HIF1AN: variants seen among roughly 807,000 people sequenced by gnomAD.
HIF1AN encodes hypoxia-inducible factor 1-alpha inhibitor.
HIF1AN carries 21 observed loss-of-function variants against 47.7 expected under a neutral mutation model. The observed-to-expected ratio is 0.44, with a 90% confidence interval of 0.31 to 0.63. The LOEUF is 0.63. Ranked by LOEUF, HIF1AN falls within the 30% of genes least tolerant of loss-of-function variation. The probability of loss-of-function intolerance (pLI) is 0.07; values close to 1 mark genes in which losing one functional copy is unlikely to be tolerated. For synonymous variants in HIF1AN, 152 were observed against 155.9 expected (o/e 0.98, Z 0.18); for missense variants, 320 against 432.7 (o/e 0.74, Z 2.31).
intron 2 of HIF1AN, among the ~76,000 whole-genome samples, chr10:100,536,954 G>A (rs566675483): frequency 6.6e-6 from 1 of 152,338 alleles, no homozygotes; most frequent in Admixed American, 6.5e-5. Context: ...TTGCCTAGAA[G>A]GGTCAGGCAG....
chr10:100,543,960 A>G (rs1706213529), intron 3 of HIF1AN, among the ~76,000 whole-genome samples: 1 of 152,168 alleles, frequency 6.6e-6, no homozygotes, highest in African/African-American at 2.4e-5. Context: ...TGAGAGAGCA[A>G]GTCTGCTTTG....
rs1843186332 is a variant in HIF1AN at position 100,553,564 on chromosome 10, A to G, written c.*5427A>G. Reference sequence around the variant, plus strand: ...TCCCATAGCTGATGAAAGAATTTACATATGGGCTCCCCCCTGCTTTCCCAC... The same window carrying G: ...TCCCATAGCTGATGAAAGAATTTACGTATGGGCTCCCCCCTGCTTTCCCAC... On this transcript the variant is annotated 3_prime_UTR_variant, in exon 8 of 8. Coordinates refer to ENST00000299163, the MANE Select transcript of HIF1AN (RefSeq NM_017902.3). 1 of 152,220 alleles carries G rather than the reference A, an allele frequency of 6.6e-6. No individual in the cohort carries two copies. The highest frequency in any genetic ancestry group is 6.5e-5 in the Admixed American group (1 of 15,286). 9.4% of individuals were successfully genotyped at this position (152,220 alleles called of 1,614,324 possible).
At chr10:100,546,632 G>T in intron 6 of HIF1AN, 51 bp downstream of exon 6, 1 of 1,347,394 alleles carries the variant, frequency 7.4e-7, no homozygotes, top group Non-Finnish European at 1.1e-6. Context: ...TGGCTCTTGG[G>T]TGAGGTAGGT....
Position 100,558,882 on chromosome 10 carries a change from A to G in HIF1AN, c.*10745A>G, listed in dbSNP as rs1304450277. 6.6e-6 allele frequency: 1 copy of G among 152,250 alleles called. No homozygotes were observed. Among genetic ancestry groups the G allele is most frequent in the Non-Finnish European group, 1.5e-5 (1 of 68,050 alleles). The allele number at this position is 152,250 out of a possible 1,614,324, so 9.4% of individuals were successfully genotyped here. A position where few individuals can be genotyped will look rare whatever the true frequency, so the allele number is the denominator to read the frequency against. On this transcript the variant is annotated 3_prime_UTR_variant, in exon 8 of 8. Transcript: ENST00000299163. ...ATGAAGAACAGGTGTGTTTAAAAACATCAAACCCCCACATCATTACTATTT... is the reference window on the plus strand; with the variant it reads ...ATGAAGAACAGGTGTGTTTAAAAACGTCAAACCCCCACATCATTACTATTT...
chr10:100,538,120 C>A (rs914617653), intron 2 of HIF1AN, among the ~76,000 whole-genome samples: 1 of 152,164 alleles, frequency 6.6e-6, no homozygotes, highest in East Asian at 1.9e-4. Context: ...GTTCTTCAGT[C>A]GCTTGAAGTT....
intron 3 of HIF1AN, among the ~76,000 whole-genome samples, chr10:100,541,204 C>T (rs1187418395): frequency 6.6e-6 from 1 of 151,722 alleles, no homozygotes; most frequent in African/African-American, 2.4e-5. Flanking sequence ...GGCGACAGAG[C>T]AAGACTCTGT....
intron 6 of HIF1AN, among the ~76,000 whole-genome samples, chr10:100,546,797 T>A (rs887750545): frequency 1.3e-5 from 2 of 152,110 alleles, no homozygotes; most frequent in Non-Finnish European, 2.9e-5. Flanking sequence ...TGGAGTGCAG[T>A]GGCGTGATCT....
In HIF1AN at chr10:100,554,896, A is replaced by G. The variant is rs1245828320; in HGVS notation, c.*6759A>G. 6.6e-6 allele frequency: 1 copy of G among 152,106 alleles called. No homozygotes were observed. The highest frequency in any genetic ancestry group is 1.5e-5 in the Non-Finnish European group (1 of 68,016). 9.4% of individuals were successfully genotyped at this position (152,106 alleles called of 1,614,324 possible). On this transcript the variant is annotated 3_prime_UTR_variant, in exon 8 of 8. Transcript: ENST00000299163. The stretch of plus-strand genomic sequence containing the variant: ...TCAGAAAAATATGAGTGGGATGTTA[A>G]TAGCTACCATTTGTTGAACACTTCT...
chr10:100,545,893 G>T, intron 4 of HIF1AN, 50 bp from the exon 5 acceptor site: 1 of 1,238,556 alleles, frequency 8.1e-7, no homozygotes, highest in Non-Finnish European at 1.2e-6. Flanking sequence ...TAGTTTTACT[G>T]GTGAAGATTT....
chr10:100,552,611 T>A lies in HIF1AN; in HGVS notation c.*4474T>A, dbSNP rs1165006384. On this transcript the variant is annotated 3_prime_UTR_variant, in exon 8 of 8. Transcript: ENST00000299163. ...TCTCCAGAGCTGCCTGCAGTTTCCC[T>A]TATTCAGCTGTCTCCTGCCTAGTCT... is the stretch of plus-strand genomic sequence containing the variant. 1.3e-5 allele frequency: 2 copies of A among 152,452 alleles called. No homozygotes were observed. Among genetic ancestry groups the A allele is most frequent in the Non-Finnish European group, 2.9e-5 (2 of 68,222 alleles). 9.4% of individuals were successfully genotyped at this position (152,452 alleles called of 1,614,324 possible). A position where few individuals can be genotyped will look rare whatever the true frequency, so the allele number is the denominator to read the frequency against.
At chr10:100,538,416 ACT>A (rs1852255181) in intron 2 of HIF1AN, among the ~76,000 whole-genome samples, 1 of 152,034 alleles carries the variant, frequency 6.6e-6, no homozygotes, top group South Asian at 2.1e-4. Context: ...AGTATCACTG[ACT>A]CTTTCAAAGT....
chr10:100,536,199 A>C, intron 1 of HIF1AN, 64 bp downstream of exon 1: 2 of 1,475,210 alleles, frequency 1.4e-6, no homozygotes, highest in East Asian at 4.5e-5. Flanking sequence ...GTCAGAGGTG[A>C]ATGGTGAAAG....
intron 2 of HIF1AN, among the ~76,000 whole-genome samples, chr10:100,537,530 A>G (rs1852239473): frequency 6.6e-6 from 1 of 152,214 alleles, no homozygotes. Context: ...AGATCAGATT[A>G]AATTTGTTTT....
At chr10:100,542,259 TTTCTC>T (rs1458536014) in intron 3 of HIF1AN, among the ~76,000 whole-genome samples, 2 of 152,208 alleles carry the variant, frequency 1.3e-5, no homozygotes, top group African/African-American at 4.8e-5. Context: ...CTGTACCACT[TTTCTC>T]TACTAGATCT....
rs761978570 is a variant in HIF1AN at position 100,549,753 on chromosome 10, C to CT, written c.*1631dup. ...GTTGGAAGGTCTCTGGTTTTCTTTT[C>CT]TTTTTTTTTTTTTTTGCCAAAGGTT... On this transcript the variant is annotated 3_prime_UTR_variant, in exon 8 of 8. Transcript: ENST00000299163. The CT allele has an allele frequency of 0.02, 2,786 of 137,680 alleles. 47 individuals are homozygous for CT. Among genetic ancestry groups the CT allele is most frequent in the Middle Eastern group, 0.077 (20 of 260 alleles). 8.5% of individuals were successfully genotyped at this position (137,680 alleles called of 1,614,324 possible).
At position 100,556,880 on chromosome 10, in the gene HIF1AN, A is replaced by G. The variant is rs1335725761; in HGVS notation, c.*8743A>G. ...GCTCAAGCACTCAGGAAAATGTTTT[A>G]TTATGAAGACCAAGTGTCTCTGAAA... On this transcript the variant is annotated 3_prime_UTR_variant, in exon 8 of 8. Transcript: ENST00000299163. 6.6e-6 allele frequency: 1 copy of G among 152,230 alleles called. No individual in the cohort carries two copies. The highest frequency in any genetic ancestry group is 1.5e-5 in the Non-Finnish European group (1 of 68,044). 9.4% of individuals were successfully genotyped at this position (152,230 alleles called of 1,614,324 possible).
Position 100,548,112 on chromosome 10 carries a change from C to T in HIF1AN, c.1025C>T (p.Thr342Ile), listed in dbSNP as rs1843111811. The T allele has an allele frequency of 6.2e-7, 1 of 1,613,140 alleles. No homozygotes were observed. Among genetic ancestry groups the T allele is most frequent in the African/African-American group, 1.3e-5 (1 of 75,014 alleles). ...TTACAGGTGGGGCCCTTGTTGAACA[C>T]AATGATCAAGGGCCGATACAACTAG... Reference protein sequence around the residue: ...NPQEVGPLLNTMIKGRYN With the variant: ...NPQEVGPLLNIMIKGRYN The change falls in exon 8 of 8, where the codon ACA becomes ATA. Residue 342 changes from threonine to isoleucine, a missense_variant. This residue lies in a region of HIF1AN where 161 missense variants were observed against 272.8 expected (regional missense o/e 0.59). Coordinates refer to ENST00000299163, the MANE Select transcript of HIF1AN (RefSeq NM_017902.3).
In HIF1AN at chr10:100,559,279, G is replaced by A. The variant is rs1219802848; in HGVS notation, c.*11142G>A. On this transcript the variant is annotated 3_prime_UTR_variant, in exon 8 of 8. Transcript: ENST00000299163. ...CATTAATCATATAAATGCCATTTAAGTGTTTAAAGGAGTTTAGTTAAATGT... is the reference window on the plus strand; with the variant it reads ...CATTAATCATATAAATGCCATTTAAATGTTTAAAGGAGTTTAGTTAAATGT... 6.6e-6 allele frequency: 1 copy of A among 152,144 alleles called. No homozygotes were observed. Among genetic ancestry groups the A allele is most frequent in the East Asian group, 1.9e-4 (1 of 5,194 alleles). The allele number at this position is 152,144 out of a possible 1,614,324, so 9.4% of individuals were successfully genotyped here. A position where few individuals can be genotyped will look rare whatever the true frequency, so the allele number is the denominator to read the frequency against.
rs1390658893 is a variant in HIF1AN at position 100,553,949 on chromosome 10, G to A, written c.*5812G>A. 6.6e-6 allele frequency: 1 copy of A among 152,200 alleles called. No individual in the cohort carries two copies. Among genetic ancestry groups the A allele is most frequent in the Non-Finnish European group, 1.5e-5 (1 of 68,024 alleles). 9.4% of individuals were successfully genotyped at this position (152,200 alleles called of 1,614,324 possible). On this transcript the variant is annotated 3_prime_UTR_variant, in exon 8 of 8. Transcript: ENST00000299163. Reference sequence around the variant, plus strand: ...ATTATGTGATTTATTCAGAAACTTGGTTTCAGTGATCTCTAAACAGATTTC... The same window carrying A: ...ATTATGTGATTTATTCAGAAACTTGATTTCAGTGATCTCTAAACAGATTTC...
Sources: gnomAD v4.1 joint callset for allele counts (sites outside exome capture counted in the v4.1 genomes callset) on GRCh38, gnomAD v4.1.1 for gene constraint, gnomAD v4.1.1 regional missense constraint, MANE v1.5 for transcripts, NCBI Gene and HGNC (gene_info 2026-07-23, HGNC 2026-07-21) for gene names.